Variants in ARHGAP15 observed in about 807,000 individuals in gnomAD.
ARHGAP15 encodes the protein rho GTPase-activating protein 15.
ARHGAP15 carries 51 observed loss-of-function variants against 63.7 expected under a neutral mutation model. The ratio of observed to expected loss-of-function variants is 0.80; its 90% CI spans 0.64 to 1.01. The LOEUF (loss-of-function observed/expected upper bound fraction) is 1.01, where lower values mean the gene tolerates loss of function less well. Ranked by LOEUF, ARHGAP15 falls within the 50% of genes least tolerant of loss-of-function variation. The pLI, the probability that ARHGAP15 is intolerant of heterozygous loss-of-function variation, is 0.00. For synonymous variants in ARHGAP15, 191 were observed against 193.8 expected (o/e 0.99, Z 0.12); for missense variants, 560 against 564.6 (o/e 0.99, Z 0.08).
intron 11 of ARHGAP15, among the ~76,000 whole-genome samples, chr2:143,584,802 T>C (rs1305228971): frequency 6.6e-6 from 1 of 152,198 alleles, no homozygotes; most frequent in East Asian, 1.9e-4. Flanking sequence ...ACATAATACA[T>C]CTTTTATTCT....
At chr2:143,718,097 G>GT (rs965684511) in intron 13 of ARHGAP15, among the ~76,000 whole-genome samples, 5 of 150,922 alleles carry the variant, frequency 3.3e-5, no homozygotes, top group East Asian at 1.9e-4. Flanking sequence ...TGTCGTTGGG[G>GT]TTTTTTTTTC....
chr2:143,250,493 T>C lies in ARHGAP15; in HGVS notation c.385-18T>C. 1 of 1,603,188 alleles carries C rather than the reference T, an allele frequency of 6.2e-7. No homozygotes were observed. ...AGTGTTGCATCCTCTTATTCTTACT[T>C]CATTTTTGTGATTACAGAAAACTGG... On this transcript the variant is annotated intron_variant, in intron 5 of 13. Transcript: ENST00000295095.
At chr2:143,164,060 A>C (rs2105028793) in intron 2 of ARHGAP15, among the ~76,000 whole-genome samples, 1 of 152,038 alleles carries the variant, frequency 6.6e-6, no homozygotes, top group African/African-American at 2.4e-5. Flanking sequence ...CCAGAGTTTT[A>C]TTTTTTGTTT....
intron 8 of ARHGAP15, among the ~76,000 whole-genome samples, chr2:143,486,011 G>A (rs1692307281): frequency 6.6e-6 from 1 of 152,000 alleles, no homozygotes. Flanking sequence ...TCCCCATTTT[G>A]CTAATTCAAG....
At chr2:143,530,674 A>C (rs2105014143) in intron 10 of ARHGAP15, among the ~76,000 whole-genome samples, 1 of 152,272 alleles carries the variant, frequency 6.6e-6, no homozygotes, top group African/African-American at 2.4e-5. Context: ...CCATCCACTG[A>C]ATAGCCATGT....
At chr2:143,228,526 A>G in intron 4 of ARHGAP15, 55 bp from the exon 5 acceptor site, 1 of 1,252,012 alleles carries the variant, frequency 8.0e-7, no homozygotes, top group Non-Finnish European at 1.2e-6. Context: ...CTGTATCTAT[A>G]AATGATTTCT....
rs76162836 is a variant in ARHGAP15 at position 143,319,987 on chromosome 2, T to C, written c.474+69387T>C. On this transcript the variant is annotated intron_variant, in intron 6 of 13. Transcript: ENST00000295095. ...GTTTATTAATCATAAAAAGTAAACA[T>C]TTCTACTTATCTACATTTTTTCAGA... Among the ~76,000 whole-genome samples the C allele has an allele frequency of 5.0e-3, 739 of 148,344 alleles. 5 individuals carry two copies. The highest frequency in any genetic ancestry group is 0.016 in the African/African-American group (680 of 41,234).
At chr2:143,673,545 G>A (rs1199214881) in intron 12 of ARHGAP15, among the ~76,000 whole-genome samples, 1 of 151,078 alleles carries the variant, frequency 6.6e-6, no homozygotes, top group Non-Finnish European at 1.5e-5. Flanking sequence ...TGATATACCT[G>A]CCTTGGCATC....
intron 4 of ARHGAP15, among the ~76,000 whole-genome samples, chr2:143,225,841 C>T (rs890931198): frequency 6.6e-6 from 1 of 152,038 alleles, no homozygotes; most frequent in African/African-American, 2.4e-5. Context: ...GCTAGGTATT[C>T]TAAATAATTT....
At chr2:143,744,538 G>A (rs953417401) in intron 13 of ARHGAP15, among the ~76,000 whole-genome samples, 6 of 152,164 alleles carry the variant, frequency 3.9e-5, no homozygotes, top group African/African-American at 1.4e-4. Flanking sequence ...AATCAGGAGT[G>A]TTGTCATATT....
intron 12 of ARHGAP15, among the ~76,000 whole-genome samples, chr2:143,667,497 C>T (rs1433966134): frequency 6.7e-6 from 1 of 148,166 alleles, no homozygotes; most frequent in Admixed American, 6.8e-5. Flanking sequence ...GTGCAGCGCA[C>T]CAGCATGGCA....
intron 2 of ARHGAP15, among the ~76,000 whole-genome samples, chr2:143,162,650 G>A (rs918144665): frequency 2.6e-5 from 4 of 151,980 alleles, no homozygotes; most frequent in African/African-American, 4.8e-5. Flanking sequence ...TACCTAATAC[G>A]CTGTGTGCCA....
intron 11 of ARHGAP15, 22 bp downstream of exon 11, chr2:143,556,507 G>A (rs1044709982): frequency 9.4e-6 from 15 of 1,589,612 alleles, no homozygotes; most frequent in Non-Finnish European, 1.3e-5. Context: ...CCACTTCAGA[G>A]ATTTTTTCAA....
intron 8 of ARHGAP15, among the ~76,000 whole-genome samples, chr2:143,477,210 G>T (rs537597105): frequency 6.8e-6 from 1 of 146,328 alleles, no homozygotes; most frequent in Admixed American, 6.8e-5. Flanking sequence ...ACACACACTC[G>T]CGCACACACA....
chr2:143,416,619 C>G (rs1207410167), intron 6 of ARHGAP15, among the ~76,000 whole-genome samples: 2 of 152,132 alleles, frequency 1.3e-5, no homozygotes, highest in East Asian at 3.9e-4. Context: ...TTGGTAAGCC[C>G]TTTCTTTTGT....
At chr2:143,356,410 C>A (rs571335133) in intron 6 of ARHGAP15, among the ~76,000 whole-genome samples, 2 of 152,142 alleles carry the variant, frequency 1.3e-5, no homozygotes, top group African/African-American at 2.4e-5. Context: ...GCACCACCCC[C>A]CTTCCCCCAC....
intron 12 of ARHGAP15, among the ~76,000 whole-genome samples, chr2:143,636,174 C>T (rs1680304600): frequency 6.6e-6 from 1 of 152,122 alleles, no homozygotes; most frequent in South Asian, 2.1e-4. Flanking sequence ...CTAATTAGTA[C>T]CATCTGTCCC....
intron 9 of ARHGAP15, among the ~76,000 whole-genome samples, chr2:143,502,980 G>A (rs939965351): frequency 2.0e-5 from 3 of 151,836 alleles, no homozygotes; most frequent in African/African-American, 7.3e-5. Context: ...CAGGACCATG[G>A]ACATCGATCA....
chr2:143,703,537 G>A lies in ARHGAP15; in HGVS notation c.1244+13G>A. The A allele has an allele frequency of 6.4e-7, 1 of 1,571,638 alleles. No individual in the cohort carries two copies. The highest frequency in any genetic ancestry group is 8.7e-7 in the Non-Finnish European group (1 of 1,153,146). On this transcript the variant is annotated intron_variant, in intron 13 of 13. Transcript: ENST00000295095. The stretch of plus-strand genomic sequence containing the variant: ...GACATCTAACTAAGTAAGTTGTAAG[G>A]ATTTCTGGATGTGTCATTTTATAGT...
Sources: allele counts gnomAD v4.1 joint callset (sites outside exome capture counted in the v4.1 genomes callset), GRCh38; gene constraint gnomAD v4.1.1; transcripts MANE v1.5; gene names NCBI Gene and HGNC (gene_info 2026-07-23, HGNC 2026-07-21).